The following CCDC33 variants were observed in gnomAD, a reference collection of about 807,000 sequenced individuals.
The protein encoded by CCDC33 is coiled-coil domain containing 33, also known as coiled-coil domain-containing protein 33.
CCDC33 carries 94 observed loss-of-function variants against 91.9 expected under a neutral mutation model. The observed-to-expected ratio is 1.02, with a 90% CI of 0.87 to 1.21. The LOEUF (loss-of-function observed/expected upper bound fraction) is 1.21, where lower values mean the gene tolerates loss of function less well. CCDC33 is among the 50% of genes most tolerant of loss of function. The pLI is 0.00. For missense variants in CCDC33, 940 were observed against 935.5 expected (o/e 1.00, Z -0.06); for synonymous variants, 396 against 374.5 (o/e 1.06, Z -0.66).
intron 7 of CCDC33, among the ~76,000 whole-genome samples, chr15:74,276,620 C>A (rs1477176838): frequency 6.6e-6 from 1 of 152,204 alleles, no homozygotes; most frequent in Non-Finnish European, 1.5e-5. Context: ...CCTGGGCCCC[C>A]TGTTACTATC....
chr15:74,271,035 A>G (rs988247638), intron 5 of CCDC33, among the ~76,000 whole-genome samples: 9 of 152,074 alleles, frequency 5.9e-5, no homozygotes, highest in Non-Finnish European at 2.9e-5. Context: ...AGAGATGCGG[A>G]TGCTATGATC....
intron 11 of CCDC33, among the ~76,000 whole-genome samples, chr15:74,318,131 A>C (rs2060130300): frequency 7.5e-6 from 1 of 133,280 alleles, no homozygotes; most frequent in African/African-American, 2.7e-5. Flanking sequence ...ATCAGGGAGC[A>C]GAGAGACTAA....
Position 74,249,520 on chromosome 15 carries a change from A to G in CCDC33, c.185+5372A>G, listed in dbSNP as rs112938339. Among the ~76,000 whole-genome samples the G allele has an allele frequency of 3.4e-3, 521 of 152,140 alleles. 6 individuals are homozygous for G. The highest frequency in any genetic ancestry group is 9.9e-3 in the African/African-American group (411 of 41,512). ...TAATAAAAAAATAAAAACAACTTGA[A>G]TAGCCCCTGAGCTAACTAGGATTGC... is the stretch of plus-strand genomic sequence containing the variant. On this transcript the variant is annotated intron_variant, in intron 2 of 18. Transcript: ENST00000398814.
upstream of CCDC33, among the ~76,000 whole-genome samples, chr15:74,213,742 C>T (rs564011442): frequency 2.6e-5 from 4 of 152,264 alleles, no homozygotes; most frequent in African/African-American, 9.6e-5. Context: ...GGGCCTCTGG[C>T]ACTGTGGACT....
In CCDC33 at chr15:74,218,449, T is replaced by C; in HGVS notation, c.311-48T>C. 8.1e-7 allele frequency: 1 copy of C among 1,234,792 alleles called. No homozygotes were observed. The highest frequency in any genetic ancestry group is 1.4e-5 in the South Asian group (1 of 71,014). 76.5% of individuals were successfully genotyped at this position (1,234,792 alleles called of 1,614,324 possible). ...CCTGTCCTCCTAGTCACCTGGCAGA[T>C]GCAGAGAAACCTGAGACCATCTCTG... On this transcript the variant is annotated intron_variant, in intron 1 of 2. Coordinates refer to the CCDC33 transcript ENST00000635913. The surrounding 1 kb of genome is among the most constrained non-coding windows in gnomAD (Gnocchi z 4.8).
chr15:74,286,008 G>GAGT (rs904250027), intron 10 of CCDC33, among the ~76,000 whole-genome samples: 58 of 152,278 alleles, frequency 3.8e-4, no homozygotes, highest in African/African-American at 1.3e-3. Context: ...AAGACTTTAG[G>GAGT]AGTCTGAGGC....
intron 2 of CCDC33, among the ~76,000 whole-genome samples, chr15:74,253,972 C>T (rs1394093888): frequency 6.6e-6 from 1 of 152,118 alleles, no homozygotes; most frequent in Admixed American, 6.5e-5. Context: ...ACCTTGGCCT[C>T]ACAAAGTGCT....
intron 11 of CCDC33, among the ~76,000 whole-genome samples, chr15:74,305,146 C>G (rs1007052707): frequency 2.6e-5 from 4 of 152,130 alleles, no homozygotes. Context: ...AAGGTTTCAC[C>G]ATGTTGGTGA....
rs71137380 is a variant in CCDC33, at chr15:74,211,153, GCACACACACACACACACA to G, written n.237-981_237-964del. Among the ~76,000 whole-genome samples, 4 of 148,684 alleles carry G rather than the reference GCACACACACACACACACA, an allele frequency of 2.7e-5. 1 individual carries two copies. Among genetic ancestry groups the G allele is most frequent in the Admixed American group, 2.7e-4 (4 of 14,904 alleles). Reference sequence around the variant, plus strand: ...CCCCCCCACCACTACGCACGCACACGCACACACACACACACACACACACACACACCTCACTGCTTTTTC... The same window carrying G: ...CCCCCCCACCACTACGCACGCACACGCACACACACACCTCACTGCTTTTTC... On this transcript the variant is annotated intron_variant and non_coding_transcript_variant, in intron 2 of 3. Transcript: ENST00000558645.
intron 11 of CCDC33, among the ~76,000 whole-genome samples, chr15:74,298,855 G>C (rs2059739202): frequency 6.6e-6 from 1 of 151,926 alleles, no homozygotes; most frequent in Non-Finnish European, 1.5e-5. Flanking sequence ...TGGGATTACA[G>C]GCGGGCGCCA....
chr15:74,246,426 AAGG>A (rs2142285673), intron 2 of CCDC33, among the ~76,000 whole-genome samples: 1 of 152,382 alleles, frequency 6.6e-6, no homozygotes, highest in East Asian at 1.9e-4. Flanking sequence ...TGTATCGGAT[AAGG>A]AGTTAATATC....
chr15:74,261,038 T>A (rs1339815368), intron 2 of CCDC33, among the ~76,000 whole-genome samples: 1 of 152,206 alleles, frequency 6.6e-6, no homozygotes, highest in African/African-American at 2.4e-5. Flanking sequence ...TTCTGTACCT[T>A]GCCTAACATC....
At chr15:74,267,752 G>A (rs925990124) in intron 4 of CCDC33, among the ~76,000 whole-genome samples, 4 of 150,832 alleles carry the variant, frequency 2.7e-5, no homozygotes, top group Non-Finnish European at 4.4e-5. Context: ...CATCCTCACT[G>A]GCAAAGCTGG....
intron 13 of CCDC33, 58 bp from the exon 14 acceptor site, chr15:74,330,923 G>A: frequency 6.5e-7 from 1 of 1,549,896 alleles, no homozygotes; most frequent in Non-Finnish European, 8.7e-7. Flanking sequence ...GACCCTCAGG[G>A]CCAAGGTGGA....
At chr15:74,217,318 G>A (rs1353041627) in exon 1 of CCDC33, 23 of 1,288,930 alleles carry the variant, frequency 1.8e-5, no homozygotes, top group Non-Finnish European at 1.9e-5. Flanking sequence ...TCCCTGCTGA[G>A]ACAGAGGCTG....
chr15:74,208,750 C>G (rs1481132860), intron 1 of CCDC33: 2 of 988,556 alleles, frequency 2.0e-6, no homozygotes, highest in Non-Finnish European at 1.2e-6. Flanking sequence ...CTCGCTGTTC[C>G]CCGACCTGTT....
At chr15:74,335,557 C>T (rs2060548662) in intron 18 of CCDC33, 2 of 349,582 alleles carry the variant, frequency 5.7e-6, no homozygotes, top group Non-Finnish European at 5.3e-6. Flanking sequence ...CTGCTCACAA[C>T]TGCCCCTCAA....
chr15:74,294,637 C>T (rs2059645821), intron 10 of CCDC33, among the ~76,000 whole-genome samples: 2 of 151,532 alleles, frequency 1.3e-5, no homozygotes, highest in African/African-American at 4.8e-5. Flanking sequence ...GTCCCAGCTA[C>T]TCAGGAGGCT....
intron 11 of CCDC33, among the ~76,000 whole-genome samples, chr15:74,325,691 C>T (rs2060296585): frequency 6.6e-6 from 1 of 152,166 alleles, no homozygotes; most frequent in African/African-American, 2.4e-5. Context: ...TCTCAGCTTC[C>T]CCATTTTACA....
Sources: gnomAD v4.1 joint callset for allele counts (sites outside exome capture counted in the v4.1 genomes callset) on GRCh38, gnomAD v4.1.1 for gene constraint, Gnocchi (gnomAD v3.1) non-coding constraint, MANE v1.5 for transcripts, NCBI Gene and HGNC (gene_info 2026-07-23, HGNC 2026-07-21) for gene names.